COL4A4: variants seen among roughly 807,000 people sequenced by gnomAD.
The protein encoded by COL4A4 is collagen alpha-4(IV) chain.
COL4A4 carries 105 observed loss-of-function variants against 192.9 expected under a neutral mutation model. The ratio of observed to expected loss-of-function variants is 0.54; its 90% CI spans 0.46 to 0.64. COL4A4 has a LOEUF of 0.64. Among genes scored for constraint, COL4A4 ranks in the 30% least tolerant of loss-of-function variants. The probability of loss-of-function intolerance (pLI) is 0.00; values close to 1 mark genes in which losing one functional copy is unlikely to be tolerated. For missense variants in COL4A4, 1,967 were observed against 2,169.3 expected, an observed-to-expected ratio of 0.91 and a Z score of 1.85; for synonymous variants, 762 against 769.9, an observed-to-expected ratio of 0.99 and a Z score of 0.17.
intron 37 of COL4A4, among the ~76,000 whole-genome samples, chr2:227,034,737 C>T (rs1969249427): frequency 8.1e-6 from 1 of 123,684 alleles, no homozygotes; most frequent in Non-Finnish European, 1.6e-5. Context: ...CCACAACAGT[C>T]CCCAGAGTGT....
intron 12 of COL4A4, among the ~76,000 whole-genome samples, chr2:227,105,666 A>G (rs2060797880): frequency 6.6e-6 from 1 of 152,218 alleles, no homozygotes; most frequent in South Asian, 2.1e-4. Flanking sequence ...ATTAATTAGA[A>G]AATAAATATT....
At chr2:227,124,547 G>C (rs886095799) in intron 4 of COL4A4, among the ~76,000 whole-genome samples, 2 of 152,018 alleles carry the variant, frequency 1.3e-5, no homozygotes, top group Non-Finnish European at 2.9e-5. Flanking sequence ...TATTTATTGA[G>C]TATCCATATA....
chr2:227,020,462 G>A (rs550000323), intron 44 of COL4A4, among the ~76,000 whole-genome samples: 3 of 152,230 alleles, frequency 2.0e-5, no homozygotes, highest in East Asian at 3.9e-4. Flanking sequence ...CACACACAAC[G>A]AAAACCCAAA....
At chr2:227,019,779 T>C in intron 44 of COL4A4, among the ~76,000 whole-genome samples, 1 of 152,236 alleles carries the variant, frequency 6.6e-6, no homozygotes, top group East Asian at 1.9e-4. Flanking sequence ...GCGATTCTCC[T>C]GCCTCAGCCT....
At chr2:227,040,386 C>T (rs150754658) in intron 37 of COL4A4, among the ~76,000 whole-genome samples, 1 of 152,088 alleles carries the variant, frequency 6.6e-6, no homozygotes, top group Non-Finnish European at 1.5e-5. Flanking sequence ...CCTATTTGTC[C>T]ATTCATTCAT....
chr2:227,037,041 C>T (rs1031829278), intron 37 of COL4A4, among the ~76,000 whole-genome samples: 1 of 151,988 alleles, frequency 6.6e-6, no homozygotes, highest in Non-Finnish European at 1.5e-5. Context: ...GGGTGTTCTC[C>T]TTTTAAAGGG....
the COL4A4 span, among the ~76,000 whole-genome samples, chr2:226,986,305 C>A: frequency 6.6e-6 from 1 of 152,126 alleles, no homozygotes; most frequent in Non-Finnish European, 1.5e-5. Flanking sequence ...GTGAAAAAAA[C>A]TGGTGAGATC....
intron 3 of COL4A4, among the ~76,000 whole-genome samples, chr2:227,143,891 T>C (rs2063380953): frequency 6.6e-6 from 1 of 152,210 alleles, no homozygotes; most frequent in Non-Finnish European, 1.5e-5. Context: ...TCCCAACTTG[T>C]AGGAAAAGGA....
At chr2:227,119,272 G>A (rs2061650458) in intron 6 of COL4A4, among the ~76,000 whole-genome samples, 1 of 151,346 alleles carries the variant, frequency 6.6e-6, no homozygotes. Flanking sequence ...TTTTGCTCTG[G>A]GAGTTATTGT....
chr2:227,042,788 A>C (rs1971715927), intron 36 of COL4A4, among the ~76,000 whole-genome samples: 1 of 152,204 alleles, frequency 6.6e-6, no homozygotes, highest in Non-Finnish European at 1.5e-5. Flanking sequence ...TCTCTCTAAA[A>C]GAATAAAAAC....
At chr2:227,111,781 A>T (rs2124855580) in intron 8 of COL4A4, 68 bp from the exon 9 acceptor site, 21 of 1,508,810 alleles carry the variant, frequency 1.4e-5, no homozygotes, top group Non-Finnish European at 1.7e-5. Context: ...ATGTAAAAAT[A>T]GAAATATACA....
At chr2:226,976,368 C>T in the COL4A4 span, among the ~76,000 whole-genome samples, 6 of 151,154 alleles carry the variant, frequency 4.0e-5, no homozygotes, top group Admixed American at 2.6e-4. Flanking sequence ...GTCGAGACGT[C>T]TGCTTCAGCT....
intron 25 of COL4A4, among the ~76,000 whole-genome samples, chr2:227,070,437 T>C (rs2058644183): frequency 6.6e-6 from 1 of 151,990 alleles, no homozygotes. Flanking sequence ...TATTGCGGCA[T>C]TATTCACAAT....
intron 43 of COL4A4, among the ~76,000 whole-genome samples, chr2:227,022,915 G>A (rs926233794): frequency 2.0e-5 from 3 of 152,110 alleles, no homozygotes; most frequent in African/African-American, 4.8e-5. Flanking sequence ...GGTGGGACCC[G>A]GGTGTCAGTA....
chr2:227,133,196 C>T (rs1184544797), intron 4 of COL4A4, among the ~76,000 whole-genome samples: 1 of 152,160 alleles, frequency 6.6e-6, no homozygotes, highest in Non-Finnish European at 1.5e-5. Context: ...AGACCAAAGG[C>T]CCTGTTGCAA....
chr2:227,124,265 G>C (rs2061963819), intron 4 of COL4A4, among the ~76,000 whole-genome samples: 1 of 152,136 alleles, frequency 6.6e-6, no homozygotes, highest in South Asian at 2.1e-4. Context: ...TATGAGGTTG[G>C]TGCAAAAGTA....
chr2:227,104,145 A>G (rs765332465), intron 12 of COL4A4, 93 bp from the exon 13 acceptor site: 1 of 980,214 alleles, frequency 1.0e-6, no homozygotes, highest in Non-Finnish European at 1.6e-6. Context: ...TTCCAATCCT[A>G]TGTGTCATGG....
rs1963888789 is a variant in COL4A4, at chr2:227,012,204, TCTC to T, written c.4307_4309del (p.Gly1436del). 6.2e-7 allele frequency: 1 copy of T among 1,613,846 alleles called. No homozygotes were observed. Among genetic ancestry groups the T allele is most frequent in the African/African-American group, 1.3e-5 (1 of 74,892 alleles). On this transcript the variant is annotated inframe_deletion, in exon 45 of 48. Coordinates refer to ENST00000396625, the MANE Select transcript of COL4A4 (RefSeq NM_000092.5). ...ACCTGGTCCTCCAGGGTAGCCGTCT[TCTC>T]CTGTGTCACCTTTACGTCCGGGAGG...
At chr2:227,140,752 T>A (rs1374254011) in intron 3 of COL4A4, among the ~76,000 whole-genome samples, 1 of 152,152 alleles carries the variant, frequency 6.6e-6, no homozygotes. Context: ...TTGTTGTTCC[T>A]ACAATTTGCT....
Sources: gnomAD v4.1 joint callset for allele counts (sites outside exome capture counted in the v4.1 genomes callset) on GRCh38, gnomAD v4.1.1 for gene constraint, MANE v1.5 for transcripts, NCBI Gene and HGNC (gene_info 2026-07-23, HGNC 2026-07-21) for gene names.